RFX2: variants seen among roughly 807,000 people sequenced by gnomAD.
The protein encoded by RFX2 is regulatory factor X2.
Under a neutral mutation model 87.8 loss-of-function variants are expected in RFX2, and 20 were observed. The observed-to-expected ratio is 0.23, with a 90% CI of 0.16 to 0.33. The LOEUF is 0.33. RFX2 is among the 10% of genes least tolerant of loss of function. RFX2 has a pLI of 1.00. For synonymous variants in RFX2, 397 were observed against 431.3 expected (o/e 0.92, Z 0.98); for missense variants, 767 against 1,012.3 (o/e 0.76, Z 3.29).
chr19:6,041,381 C>CA (rs1214114728), intron 4 of RFX2, among the ~76,000 whole-genome samples: 1 of 152,186 alleles, frequency 6.6e-6, no homozygotes, highest in Non-Finnish European at 1.5e-5. Flanking sequence ...CGAAAGGACT[C>CA]ACGTCTAAAG....
At chr19:6,033,976 T>C (rs1406898281) in intron 5 of RFX2, among the ~76,000 whole-genome samples, 1 of 152,222 alleles carries the variant, frequency 6.6e-6, no homozygotes, top group African/African-American at 2.4e-5. Flanking sequence ...GTGTGTTGGC[T>C]GGCAAATAAT....
At chr19:6,098,386 G>C (rs2088060437) in intron 1 of RFX2, among the ~76,000 whole-genome samples, 1 of 151,918 alleles carries the variant, frequency 6.6e-6, no homozygotes, top group South Asian at 2.1e-4. Flanking sequence ...GTGGGTGCTT[G>C]GCTGATAATA....
In RFX2 at chr19:6,044,991, T is replaced by C. The variant is rs983303891; in HGVS notation, c.91-709A>G. Among the ~76,000 whole-genome samples the C allele has an allele frequency of 1.3e-5, 2 of 152,128 alleles. No homozygotes were observed. The highest frequency in any genetic ancestry group is 2.4e-5 in the African/African-American group (1 of 41,412). On this transcript the variant is annotated intron_variant, in intron 2 of 17. Coordinates refer to ENST00000303657, the MANE Select transcript of RFX2 (RefSeq NM_000635.4). The surrounding 1 kb of genome is among the most constrained non-coding windows in gnomAD (Gnocchi z 5.3). ...GCTATCAAAATGGGAAGGGTCAAAG[T>C]GAACTCGAGTCGAGGGAGGAACAGG...
intron 3 of RFX2, among the ~76,000 whole-genome samples, chr19:6,042,820 G>A (rs972332983): frequency 3.3e-5 from 5 of 152,230 alleles, no homozygotes; most frequent in Admixed American, 2.0e-4. Flanking sequence ...ACTCTAGTCC[G>A]AGCAGTGGAA....
At position 6,010,683 on chromosome 19, in the gene RFX2, C is replaced by A. The variant is rs990903262; in HGVS notation, c.900-432G>T. ...TGAGCGTTATGTCCTCAAGGTCCAC[C>A]GAGTTGTAGCCTGTGTTGGAATTTC... On this transcript the variant is annotated intron_variant, in intron 8 of 17. Transcript: ENST00000303657. The surrounding 1 kb of genome is among the most constrained non-coding windows in gnomAD (Gnocchi z 5.0). Among the ~76,000 whole-genome samples, 1 of 152,162 alleles carries A rather than the reference C, an allele frequency of 6.6e-6. No homozygotes were observed.
At position 6,020,414 on chromosome 19, in the gene RFX2, C is replaced by A. The variant is rs369699495; in HGVS notation, c.598-4143G>T. 1.3e-5 allele frequency: 2 copies of A among 152,240 alleles called. No homozygotes were observed. Among genetic ancestry groups the A allele is most frequent in the African/African-American group, 4.8e-5 (2 of 41,446 alleles). The allele number at this position is 152,240 out of a possible 1,614,324, so 9.4% of individuals were successfully genotyped here. ...GAAACCACAGAGAAGACTGAAGCGG[C>A]TGGAACAGTCGCGTCTATTTCCTCC... On this transcript the variant is annotated intron_variant, in intron 6 of 17. Coordinates refer to ENST00000303657, the MANE Select transcript of RFX2 (RefSeq NM_000635.4). This position sits in a 1 kb window ranked among gnomAD's most constrained non-coding sequence, Gnocchi z 5.3.
intron 4 of RFX2, 47 bp downstream of exon 4, chr19:6,041,997 G>C: frequency 6.6e-7 from 1 of 1,522,362 alleles, no homozygotes; most frequent in Non-Finnish European, 9.1e-7. Flanking sequence ...GCAAAGGCTG[G>C]AGTCAGGGAG....
chr19:6,100,130 G>A (rs1041468377), intron 1 of RFX2, among the ~76,000 whole-genome samples: 1 of 152,184 alleles, frequency 6.6e-6, no homozygotes, highest in Non-Finnish European at 1.5e-5. Flanking sequence ...GGAAGAGTAG[G>A]ATTTTCTTCA....
chr19:6,092,330 T>C (rs1411287825), intron 1 of RFX2, among the ~76,000 whole-genome samples: 5 of 152,134 alleles, frequency 3.3e-5, no homozygotes, highest in Non-Finnish European at 7.4e-5. Flanking sequence ...ACCCGGGCCA[T>C]GGCAGCAGGG....
At chr19:6,072,972 G>A in intron 1 of RFX2, 1 of 647,248 alleles carries the variant, frequency 1.5e-6, no homozygotes, top group Admixed American at 2.2e-5. Context: ...GAAGGTTCAA[G>A]GACCAGATAT....
Position 6,026,054 on chromosome 19 carries a change from G to A in RFX2, c.597+109C>T. The A allele has an allele frequency of 1.1e-6, 1 of 890,752 alleles. No homozygotes were observed. Among genetic ancestry groups the A allele is most frequent in the East Asian group, 2.5e-5 (1 of 40,134 alleles). 55.2% of individuals were successfully genotyped at this position (890,752 alleles called of 1,614,324 possible). A position where few individuals can be genotyped will look rare whatever the true frequency, so the allele number is the denominator to read the frequency against. ...CCCGCCTTGGCCTCCCAAAGTGCTG[G>A]GATTACAGGTGTGAGCCACCGCACC... On this transcript the variant is annotated intron_variant, in intron 6 of 17. Coordinates refer to ENST00000303657, the MANE Select transcript of RFX2 (RefSeq NM_000635.4). The surrounding 1 kb of genome is among the most constrained non-coding windows in gnomAD (Gnocchi z 4.5).
chr19:6,095,683 T>C (rs140627121), intron 1 of RFX2, among the ~76,000 whole-genome samples: 1 of 151,412 alleles, frequency 6.6e-6, no homozygotes, highest in African/African-American at 2.4e-5. Flanking sequence ...AAGGGGGAAA[T>C]AGGATGGACC....
At chr19:6,014,119 T>G (rs1045944323) in intron 7 of RFX2, among the ~76,000 whole-genome samples, 3 of 152,156 alleles carry the variant, frequency 2.0e-5, no homozygotes, top group Non-Finnish European at 4.4e-5. Context: ...GAGGGAAGCA[T>G]TAACCCACAG....
At chr19:6,066,569 A>T (rs1188657182) in intron 1 of RFX2, among the ~76,000 whole-genome samples, 2 of 152,186 alleles carry the variant, frequency 1.3e-5, no homozygotes, top group Admixed American at 1.3e-4. Context: ...AGTCTAGGAC[A>T]TATTCGAATG....
intron 1 of RFX2, among the ~76,000 whole-genome samples, chr19:6,106,155 T>C (rs1272757011): frequency 6.6e-6 from 1 of 152,192 alleles, no homozygotes; most frequent in Admixed American, 6.5e-5. Flanking sequence ...CTTTTGCTGA[T>C]CTTAGAGTTT....
chr19:6,109,319 G>C (rs2088270139), intron 1 of RFX2: 1 of 152,068 alleles, frequency 6.6e-6, no homozygotes, highest in Admixed American at 6.6e-5. Context: ...AGGAATATGG[G>C]GTCACAGGGA....
Position 6,023,763 on chromosome 19 carries a change from C to T in RFX2, c.597+2400G>A, listed in dbSNP as rs1025282809. ...AGCAGCCAGAGACAAGCGGCTCATG[C>T]ATTTTCCCATAGACATTTTTTCTTT... is the stretch of plus-strand genomic sequence containing the variant. On this transcript the variant is annotated intron_variant, in intron 6 of 17. Transcript: ENST00000303657. The surrounding 1 kb of genome is among the most constrained non-coding windows in gnomAD (Gnocchi z 4.9). 3.3e-5 allele frequency among the ~76,000 whole-genome samples: 5 copies of T among 151,986 alleles called. No homozygotes were observed. Among genetic ancestry groups the T allele is most frequent in the African/African-American group, 7.2e-5 (3 of 41,398 alleles).
Position 6,056,128 on chromosome 19 carries a change from G to A in RFX2, c.-8-8624C>T, listed in dbSNP as rs749088165. Among the ~76,000 whole-genome samples the A allele has an allele frequency of 8.5e-5, 13 of 152,250 alleles. 1 individual carries two copies. Among genetic ancestry groups the A allele is most frequent in the South Asian group, 8.3e-4 (4 of 4,818 alleles). Reference sequence around the variant, plus strand: ...ATACAGTGTGCGGTTACATGGAGTCGTGATTTGTCAAAATTAGCCAGCTAA... The same window carrying A: ...ATACAGTGTGCGGTTACATGGAGTCATGATTTGTCAAAATTAGCCAGCTAA... On this transcript the variant is annotated intron_variant, in intron 1 of 17. Coordinates refer to ENST00000303657, the MANE Select transcript of RFX2 (RefSeq NM_000635.4). The surrounding 1 kb of genome is among the most constrained non-coding windows in gnomAD (Gnocchi z 4.6).
intron 1 of RFX2, among the ~76,000 whole-genome samples, chr19:6,054,309 C>G (rs1319418083): frequency 6.6e-6 from 1 of 152,048 alleles, no homozygotes; most frequent in Non-Finnish European, 1.5e-5. Flanking sequence ...CTGGTGAATG[C>G]TATCAAATAC....
Sources: allele counts gnomAD v4.1 joint callset (sites outside exome capture counted in the v4.1 genomes callset), GRCh38; gene constraint gnomAD v4.1.1; non-coding constraint Gnocchi (gnomAD v3.1); transcripts MANE v1.5; gene names NCBI Gene and HGNC (gene_info 2026-07-23, HGNC 2026-07-21).